MXI1: variants seen among roughly 807,000 people sequenced by gnomAD.
MXI1 encodes the protein max-interacting protein 1.
MXI1 carries 18 observed loss-of-function variants against 36.9 expected under a neutral mutation model. The ratio of observed to expected loss-of-function variants is 0.49; its 90% confidence interval spans 0.34 to 0.72. The LOEUF is 0.72. Ranked by LOEUF, MXI1 falls within the 30% of genes least tolerant of loss-of-function variation. The pLI, the probability that MXI1 is intolerant of heterozygous loss-of-function variation, is 0.01. For synonymous variants in MXI1, 160 were observed against 146.7 expected, an observed-to-expected ratio of 1.09 and a Z score of -0.65; for missense variants, 304 against 379.1, an observed-to-expected ratio of 0.80 and a Z score of 1.64.
intron 1 of MXI1, among the ~76,000 whole-genome samples, chr10:110,209,338 TGAGAGA>T (rs764550489): frequency 3.4e-4 from 51 of 151,944 alleles, no homozygotes; most frequent in Non-Finnish European, 6.3e-4. Flanking sequence ...CGTGTGTGTG[TGAGAGA>T]GAGAGAAAGA....
At position 110,286,577 on chromosome 10, in the gene MXI1, T is replaced by C. The variant is rs1369411833; in HGVS notation, c.*1590T>C. On this transcript the variant is annotated 3_prime_UTR_variant, in exon 6 of 6. Transcript: ENST00000332674. ...ATTTCAGTCCTGTAGTTTTATTTTATGTTTAGATAGGGCTGGGCAAGGAAA... is the reference window on the plus strand; with the variant it reads ...ATTTCAGTCCTGTAGTTTTATTTTACGTTTAGATAGGGCTGGGCAAGGAAA... The C allele has an allele frequency of 6.6e-6, 1 of 152,598 alleles. No homozygotes were observed. The highest frequency in any genetic ancestry group is 1.9e-4 in the East Asian group (1 of 5,200). The allele number at this position is 152,598 out of a possible 1,614,324, so 9.5% of individuals were successfully genotyped here.
At chr10:110,236,576 C>T (rs946123474) in intron 2 of MXI1, among the ~76,000 whole-genome samples, 1 of 152,126 alleles carries the variant, frequency 6.6e-6, no homozygotes, top group African/African-American at 2.4e-5. Flanking sequence ...CCCATCGCAG[C>T]CTCCTGAGTG....
rs1857429743 is a variant in MXI1 at position 110,286,555 on chromosome 10, T to C, written c.*1568T>C. On this transcript the variant is annotated 3_prime_UTR_variant, in exon 6 of 6. Transcript: ENST00000332674. ...TGCTGATTTTAATGGATTGTTAATT[T>C]CAGTCCTGTAGTTTTATTTTATGTT... 6.6e-6 allele frequency: 1 copy of C among 152,578 alleles called. No homozygotes were observed. The highest frequency in any genetic ancestry group is 1.5e-5 in the Non-Finnish European group (1 of 68,022). The allele number at this position is 152,578 out of a possible 1,614,324, so 9.5% of individuals were successfully genotyped here.
At chr10:110,282,109 T>C (rs1408573360) in intron 5 of MXI1, among the ~76,000 whole-genome samples, 1 of 152,224 alleles carries the variant, frequency 6.6e-6, no homozygotes. Context: ...TGGTTTTTGC[T>C]TTATCAGTTT....
At chr10:110,208,749 C>A (rs867190887) in intron 1 of MXI1, among the ~76,000 whole-genome samples, 3 of 149,096 alleles carry the variant, frequency 2.0e-5, no homozygotes, top group Admixed American at 1.3e-4. Flanking sequence ...CGCCCCCCCC[C>A]CCCCAAAGAA....
chr10:110,244,175 A>G (rs187950607), intron 2 of MXI1, among the ~76,000 whole-genome samples: 1 of 152,212 alleles, frequency 6.6e-6, no homozygotes, highest in East Asian at 1.9e-4. Context: ...AAACAAAAGG[A>G]AAAAAGTCAC....
At chr10:110,261,932 A>G (rs1856526591) in intron 3 of MXI1, among the ~76,000 whole-genome samples, 1 of 152,166 alleles carries the variant, frequency 6.6e-6, no homozygotes, top group East Asian at 1.9e-4. Flanking sequence ...GACTAAATAA[A>G]TGATGATACA....
chr10:110,236,477 A>G (rs962419083), intron 2 of MXI1, among the ~76,000 whole-genome samples: 9 of 151,702 alleles, frequency 5.9e-5, no homozygotes, highest in African/African-American at 2.2e-4. Flanking sequence ...TTTTTTTGAG[A>G]CAGGGTTTCA....
In MXI1 at chr10:110,285,266, TTTGAG is replaced by T. The variant is rs1245670264; in HGVS notation, c.*284_*288del. ...GAAAACTTGTGTGAAATTTTCTTGATTTGAGTTGATTGAGAAGAGGACATTGGAGA... is the reference window on the plus strand; with the variant it reads ...GAAAACTTGTGTGAAATTTTCTTGATTTGATTGAGAAGAGGACATTGGAGA... On this transcript the variant is annotated 3_prime_UTR_variant, in exon 6 of 6. Coordinates refer to ENST00000332674, the MANE Select transcript of MXI1 (RefSeq NM_130439.3). 2.8e-5 allele frequency: 8 copies of T among 289,970 alleles called. No homozygotes were observed. The highest frequency in any genetic ancestry group is 2.1e-4 in the East Asian group (3 of 14,326). The allele number at this position is 289,970 out of a possible 1,614,324, so 18.0% of individuals were successfully genotyped here.
chr10:110,259,432 G>C (rs1238610669), intron 3 of MXI1, among the ~76,000 whole-genome samples: 1 of 152,002 alleles, frequency 6.6e-6, no homozygotes, highest in Non-Finnish European at 1.5e-5. Context: ...ATGTTATTTT[G>C]CTAAATTCTT....
In MXI1 at chr10:110,244,873, G is replaced by T. The variant is rs1364073638; in HGVS notation, c.437+16G>T. ...AAAAGAATCGGTGAGTCAGTGATGA[G>T]GTACAGCTTTCACTTACGTTTAAAA... On this transcript the variant is annotated intron_variant, in intron 3 of 5. Transcript: ENST00000332674. The T allele has an allele frequency of 1.9e-6, 3 of 1,606,446 alleles. No homozygotes were observed. The highest frequency in any genetic ancestry group is 1.7e-6 in the Non-Finnish European group (2 of 1,177,024).
chr10:110,251,660 T>G (rs567052767), intron 3 of MXI1, among the ~76,000 whole-genome samples: 1 of 152,280 alleles, frequency 6.6e-6, no homozygotes, highest in South Asian at 2.1e-4. Flanking sequence ...GATTATGATA[T>G]AAAATACTGT....
At chr10:110,220,117 A>G (rs1228022326) in intron 1 of MXI1, among the ~76,000 whole-genome samples, 1 of 152,222 alleles carries the variant, frequency 6.6e-6, no homozygotes, top group African/African-American at 2.4e-5. Context: ...AACATGATGT[A>G]TGCTGTAGGG....
At position 110,207,932 on chromosome 10, in the gene MXI1, C is replaced by A. The variant is rs1487366108; in HGVS notation, c.124C>A (p.Pro42Thr). 2.0e-5 allele frequency: 31 copies of A among 1,560,296 alleles called. 1 individual carries two copies. The highest frequency in any genetic ancestry group is 2.5e-5 in the Non-Finnish European group (29 of 1,155,608). Residue 42 changes from proline to threonine, a missense_variant, in exon 1 of 6, where the codon CCC (proline) becomes ACC (threonine). Around this residue, in one of 2 missense-constraint regions of MXI1, gnomAD observed 179 missense variants for 184.8 expected, o/e 0.97. Transcript: ENST00000332674. ...APQPPALPED[P>T]AGAKPRCPFS... Reference sequence around the variant, plus strand: ...CCAGCCCCCGGCCCTGCCCGAGGACCCCGCTGGGGCCAAGCCCAGGTGCCC... The same window carrying A: ...CCAGCCCCCGGCCCTGCCCGAGGACACCGCTGGGGCCAAGCCCAGGTGCCC...
intron 3 of MXI1, among the ~76,000 whole-genome samples, chr10:110,256,016 C>T (rs755660872): frequency 1.3e-5 from 2 of 152,076 alleles, no homozygotes; most frequent in Non-Finnish European, 2.9e-5. Flanking sequence ...TAATTTCTCA[C>T]ATTTATGGTC....
intron 3 of MXI1, among the ~76,000 whole-genome samples, chr10:110,269,009 G>A (rs78292678): frequency 0.053 from 8,061 of 151,980 alleles, 327 homozygotes; most frequent in Middle Eastern, 0.15. Context: ...TTTTTCTACT[G>A]CAAATTTTAT....
intron 2 of MXI1, among the ~76,000 whole-genome samples, chr10:110,239,555 C>A (rs1195028172): frequency 1.3e-5 from 2 of 152,054 alleles, no homozygotes; most frequent in Non-Finnish European, 2.9e-5. Flanking sequence ...AATTAGCTTA[C>A]TGTTGCTGAT....
intron 5 of MXI1, 30 bp downstream of exon 5, chr10:110,280,115 T>C (rs765911475): frequency 1.3e-6 from 2 of 1,543,996 alleles, no homozygotes; most frequent in African/African-American, 2.8e-5. Context: ...TCTAATGAAA[T>C]ACTAAACATC....
Position 110,207,738 on chromosome 10 carries a change from C to A in MXI1, c.-71C>A. ...CTCTGCTCCAGCCGGCCGGGTCTCC[C>A]TGGGGGCCCGGAGCTCGGCCGGGCC... On this transcript the variant is annotated 5_prime_UTR_variant, in exon 1 of 6. It adds an upstream start codon to the 5' untranslated region. Coordinates refer to ENST00000332674, the MANE Select transcript of MXI1 (RefSeq NM_130439.3). 9.5e-7 allele frequency: 1 copy of A among 1,051,290 alleles called. No homozygotes were observed. Among genetic ancestry groups the A allele is most frequent in the Non-Finnish European group, 1.2e-6 (1 of 861,456 alleles). 65.1% of individuals were successfully genotyped at this position (1,051,290 alleles called of 1,614,324 possible).
Sources: gnomAD v4.1 joint callset for allele counts (sites outside exome capture counted in the v4.1 genomes callset) on GRCh38, gnomAD v4.1.1 for gene constraint, gnomAD v4.1.1 regional missense constraint, MANE v1.5 for transcripts, NCBI Gene and HGNC (gene_info 2026-07-23, HGNC 2026-07-21) for gene names.